Variants in P3H2 observed in about 807,000 individuals in gnomAD.
P3H2 encodes the protein leprecan-like 1.
A neutral mutation model predicts 87.0 loss-of-function variants in P3H2; 80 were observed. The observed-to-expected ratio is 0.92, with a 90% CI of 0.77 to 1.11. P3H2 has a LOEUF of 1.11. Among genes scored for constraint, P3H2 ranks in the 50% least tolerant of loss-of-function variants. The pLI is 0.00. For synonymous variants in P3H2, 367 were observed against 359.3 expected (o/e 1.02, Z -0.24); for missense variants, 1,001 against 923.9 (o/e 1.08, Z -1.08).
At chr3:189,983,512 A>C (rs968335412) in intron 7 of P3H2, 5 of 191,202 alleles carry the variant, frequency 2.6e-5, no homozygotes, top group African/African-American at 1.2e-4. Flanking sequence ...CAACTGTTGA[A>C]TTGAAATAAA....
chr3:190,079,439 G>C (rs547680685), intron 1 of P3H2, among the ~76,000 whole-genome samples: 1 of 152,252 alleles, frequency 6.6e-6, no homozygotes, highest in African/African-American at 2.4e-5. Flanking sequence ...AAGAAGTATT[G>C]TGAGAATTGA....
At chr3:189,980,651 G>A (rs1723504479) in intron 8 of P3H2, among the ~76,000 whole-genome samples, 1 of 152,162 alleles carries the variant, frequency 6.6e-6, no homozygotes, top group African/African-American at 2.4e-5. Flanking sequence ...TCCTAATTAG[G>A]TATCTGACGA....
At chr3:190,046,712 C>T (rs1310524752) in intron 1 of P3H2, among the ~76,000 whole-genome samples, 1 of 151,922 alleles carries the variant, frequency 6.6e-6, no homozygotes, top group Non-Finnish European at 1.5e-5. Context: ...TGTAATTGAA[C>T]CACAGAGAAT....
intron 1 of P3H2, among the ~76,000 whole-genome samples, chr3:190,119,312 G>C (rs545815992): frequency 6.6e-6 from 1 of 152,122 alleles, no homozygotes; most frequent in East Asian, 1.9e-4. Flanking sequence ...TTTTCCGGTA[G>C]CTGTAGAAGA....
chr3:189,987,790 T>C (rs556723346), intron 4 of P3H2, 121 bp from the exon 5 acceptor site: 11 of 1,123,990 alleles, frequency 9.8e-6, no homozygotes, highest in Middle Eastern at 2.2e-4. Context: ...GGAAGATAAA[T>C]TGAGGCTCAG....
chr3:190,108,568 C>T (rs1711942679), intron 1 of P3H2, among the ~76,000 whole-genome samples: 1 of 152,134 alleles, frequency 6.6e-6, no homozygotes, highest in Non-Finnish European at 1.5e-5. Flanking sequence ...TTTTTTGATA[C>T]AAAACATCTC....
intron 1 of P3H2, among the ~76,000 whole-genome samples, chr3:190,009,826 A>T (rs7619108): frequency 0.035 from 5,328 of 152,292 alleles, 251 homozygotes; most frequent in African/African-American, 0.11. Context: ...ATTTGCCTCT[A>T]CATGGAGACA....
At chr3:190,073,558 G>A (rs1433149311) in intron 1 of P3H2, among the ~76,000 whole-genome samples, 1 of 152,176 alleles carries the variant, frequency 6.6e-6, no homozygotes, top group Admixed American at 6.5e-5. Flanking sequence ...TGGGAACTGT[G>A]GCTGCCACAG....
chr3:190,038,866 A>T lies in P3H2; in HGVS notation c.481-43424T>A, dbSNP rs140704968. 5.2e-3 allele frequency among the ~76,000 whole-genome samples: 788 copies of T among 152,312 alleles called. 9 individuals are homozygous for T. The highest frequency in any genetic ancestry group is 0.018 in the African/African-American group (737 of 41,552). On this transcript the variant is annotated intron_variant, in intron 1 of 14. Transcript: ENST00000319332. ...TAAACTGCAGTTAGTATGCTTCATG[A>T]AATCCTACTCTTTAACTCTATGTTT...
intron 5 of P3H2, 140 bp from the exon 6 acceptor site, chr3:189,987,017 T>C (rs1379102540): frequency 1.5e-6 from 1 of 664,810 alleles, no homozygotes; most frequent in Non-Finnish European, 2.7e-6. Context: ...CTTGGCCCCA[T>C]CTCAACATAC....
chr3:190,054,912 C>A (rs1247776160), intron 1 of P3H2, among the ~76,000 whole-genome samples: 1 of 152,110 alleles, frequency 6.6e-6, no homozygotes, highest in Non-Finnish European at 1.5e-5. Context: ...CTTTCAATAT[C>A]CCTCTTAAAT....
At chr3:190,053,649 G>C (rs1726056660) in intron 1 of P3H2, among the ~76,000 whole-genome samples, 1 of 151,700 alleles carries the variant, frequency 6.6e-6, no homozygotes. Context: ...GTAGAGACAG[G>C]GTTTCACCAT....
rs5855302 is a variant in P3H2 at position 190,076,154 on chromosome 3, G to GAA, written c.480+44096_480+44097dup. Among the ~76,000 whole-genome samples, 8 of 142,086 alleles carry GAA rather than the reference G, an allele frequency of 5.6e-5. No homozygotes were observed. The South Asian group carries it at 1.1e-3, about 20-fold the overall frequency. The allele number at this position is 142,086 out of a possible 152,430, so 93.2% of individuals were successfully genotyped here. A position where few individuals can be genotyped will look rare whatever the true frequency, so the allele number is the denominator to read the frequency against. On this transcript the variant is annotated intron_variant, in intron 1 of 14. Transcript: ENST00000319332. Reference sequence around the variant, plus strand: ...GTGATTTCCAGCCATATTAAGATATGAAAAAAAAAAACCACCAAACACACA... The same window carrying GAA: ...GTGATTTCCAGCCATATTAAGATATGAAAAAAAAAAAAACCACCAAACACACA...
rs1295464595 is a variant in P3H2 at position 190,076,196 on chromosome 3, CAT to C, written c.480+44054_480+44055del. Among the ~76,000 whole-genome samples, 3 of 151,524 alleles carry C rather than the reference CAT, an allele frequency of 2.0e-5. No homozygotes were observed. The East Asian group carries it at 5.8e-4, about 29-fold the overall frequency. ...AAACACACATGCACACACACACACACATACACACACACAGAAACAATTAAACA... is the reference window on the plus strand; with the variant it reads ...AAACACACATGCACACACACACACACACACACACACAGAAACAATTAAACA... On this transcript the variant is annotated intron_variant, in intron 1 of 14. Coordinates refer to ENST00000319332, the MANE Select transcript of P3H2 (RefSeq NM_018192.4).
At chr3:190,109,845 C>CTTTTTTTT (rs141845406) in intron 1 of P3H2, among the ~76,000 whole-genome samples, 1 of 124,584 alleles carries the variant, frequency 8.0e-6, no homozygotes. Flanking sequence ...GATGCCCAGT[C>CTTTTTTTT]TTTTTTTTTT....
intron 1 of P3H2, among the ~76,000 whole-genome samples, chr3:190,106,402 A>G (rs894155519): frequency 5.9e-5 from 9 of 152,110 alleles, no homozygotes; most frequent in African/African-American, 2.2e-4. Context: ...CACCTGTTTT[A>G]TATGTCCCCT....
intron 10 of P3H2, 34 bp from the exon 11 acceptor site, chr3:189,973,058 G>A (rs1175145649): frequency 6.2e-7 from 1 of 1,602,300 alleles, no homozygotes. Flanking sequence ...AGAAACAAAT[G>A]GGTTCATTGG....
At chr3:189,969,812 C>A in intron 13 of P3H2, 4 of 1,604,264 alleles carry the variant, frequency 2.5e-6, no homozygotes, top group Non-Finnish European at 3.4e-6. Flanking sequence ...CAGGCCTGTT[C>A]CACCAATTAT....
intron 6 of P3H2, among the ~76,000 whole-genome samples, chr3:189,986,497 G>A (rs1026137721): frequency 6.6e-6 from 1 of 152,212 alleles, no homozygotes; most frequent in Non-Finnish European, 1.5e-5. Flanking sequence ...GCTGAGGCAG[G>A]AGAATTGCTT....
Sources: allele counts gnomAD v4.1 joint callset (sites outside exome capture counted in the v4.1 genomes callset), GRCh38; gene constraint gnomAD v4.1.1; transcripts MANE v1.5; gene names NCBI Gene and HGNC (gene_info 2026-07-23, HGNC 2026-07-21).